Variants in SORCS1 observed in about 807,000 individuals in gnomAD.
SORCS1 encodes the protein VPS10 domain-containing receptor SorCS1.
SORCS1 carries 60 observed loss-of-function variants against 146.1 expected under a neutral mutation model. The observed-to-expected ratio is 0.41, with a 90% CI of 0.33 to 0.51. SORCS1 has a LOEUF of 0.51. Ranked by LOEUF, SORCS1 falls within the 20% of genes least tolerant of loss-of-function variation. The pLI, the probability that SORCS1 is intolerant of heterozygous loss-of-function variation, is 0.21. For synonymous variants in SORCS1, 637 were observed against 584.0 expected (o/e 1.09, Z -1.31); for missense variants, 1,352 against 1,487.6 (o/e 0.91, Z 1.50).
Position 106,629,371 on chromosome 10 carries a change from T to A in SORCS1, c.2493A>T (p.Thr831=). The change falls in exon 19 of 26, where the codon ACA becomes ACT. Residue 831 remains threonine, a synonymous_variant. Coordinates refer to ENST00000263054, the MANE Select transcript of SORCS1 (RefSeq NM_052918.5). ...VQLEEGDVQR[T]LIQVDFGDGI... ...CATCGCCAAAGTCCACTTGGATGAG[T>A]GTCCGCTGAACATCACCCTGAAAAA... 1 of 1,614,034 alleles carries A rather than the reference T, an allele frequency of 6.2e-7. No homozygotes were observed. The highest frequency in any genetic ancestry group is 8.5e-7 in the Non-Finnish European group (1 of 1,179,960).
At chr10:106,926,718 TATTAATGGATTTTAGTAGC>T (rs890413282) in intron 2 of SORCS1, among the ~76,000 whole-genome samples, 19 of 152,080 alleles carry the variant, frequency 1.2e-4, no homozygotes, top group Non-Finnish European at 1.9e-4. Flanking sequence ...GTAAAATAAT[TATTAATGGATTTTAGTAGC>T]ATTAATGGAT....
intron 1 of SORCS1, among the ~76,000 whole-genome samples, chr10:107,027,207 CA>C (rs1364718824): frequency 1.3e-5 from 2 of 151,708 alleles, no homozygotes; most frequent in African/African-American, 4.8e-5. Flanking sequence ...AAAATAGAAT[CA>C]GGGGATGGGA....
intron 1 of SORCS1, among the ~76,000 whole-genome samples, chr10:107,068,367 A>G (rs1270308792): frequency 6.6e-6 from 1 of 152,296 alleles, no homozygotes; most frequent in African/African-American, 2.4e-5. Flanking sequence ...AAGGGGGAAC[A>G]ACAGACTAAT....
chr10:106,886,436 T>G (rs1037109482), intron 2 of SORCS1, among the ~76,000 whole-genome samples: 17 of 152,270 alleles, frequency 1.1e-4, no homozygotes, highest in African/African-American at 4.1e-4. Flanking sequence ...TTAGTAATTC[T>G]TAGAATCAAA....
chr10:106,975,846 C>T (rs1429717549), intron 1 of SORCS1, among the ~76,000 whole-genome samples: 2 of 152,144 alleles, frequency 1.3e-5, no homozygotes, highest in Non-Finnish European at 2.9e-5. Context: ...TTCCAATACA[C>T]AGTTAAAAGG....
In SORCS1 at chr10:106,686,431, G is replaced by A. The variant is rs192924349; in HGVS notation, c.1560+1761C>T. 6.2e-4 allele frequency among the ~76,000 whole-genome samples: 95 copies of A among 152,262 alleles called. 1 individual carries two copies. In the East Asian group the frequency reaches 0.016, roughly 25 times the overall value. On this transcript the variant is annotated intron_variant, in intron 10 of 25. Coordinates refer to ENST00000263054, the MANE Select transcript of SORCS1 (RefSeq NM_052918.5). Reference sequence around the variant, plus strand: ...TGACATGGTTAATTATCTCTCATAGGCATTTAATCTCCAAAGTGCAGAGTA... The same window carrying A: ...TGACATGGTTAATTATCTCTCATAGACATTTAATCTCCAAAGTGCAGAGTA...
chr10:106,975,732 TTG>T (rs1026434078), intron 1 of SORCS1, among the ~76,000 whole-genome samples: 3 of 152,212 alleles, frequency 2.0e-5, no homozygotes, highest in African/African-American at 7.2e-5. Context: ...TCCTTTCTGG[TTG>T]TGTCTGCTGC....
chr10:107,087,447 A>C (rs1018918540), intron 1 of SORCS1, among the ~76,000 whole-genome samples: 68 of 152,338 alleles, frequency 4.5e-4, no homozygotes, highest in African/African-American at 1.6e-3. Flanking sequence ...TGATACATCT[A>C]CGTTGATTGG....
At chr10:106,635,411 AT>A (rs1396565008) in intron 18 of SORCS1, among the ~76,000 whole-genome samples, 2 of 152,220 alleles carry the variant, frequency 1.3e-5, no homozygotes, top group Admixed American at 6.5e-5. Flanking sequence ...TAATAAAAAA[AT>A]AAGCAACAAA....
Position 106,957,508 on chromosome 10 carries a change from G to T in SORCS1, c.559-928C>A, listed in dbSNP as rs184027135. 1.9e-3 allele frequency among the ~76,000 whole-genome samples: 290 copies of T among 152,122 alleles called. 3 individuals are homozygous for T. In the Middle Eastern group the frequency reaches 0.02, roughly 11 times the overall value. On this transcript the variant is annotated intron_variant, in intron 1 of 25. Coordinates refer to ENST00000263054, the MANE Select transcript of SORCS1 (RefSeq NM_052918.5). Reference sequence around the variant, plus strand: ...TCTTAAATGTTAATTCCTTCCCTTTGCTCTATGTGAGCTTGGTTTTAACTT... The same window carrying T: ...TCTTAAATGTTAATTCCTTCCCTTTTCTCTATGTGAGCTTGGTTTTAACTT...
At chr10:106,756,775 C>G (rs1325003951) in intron 5 of SORCS1, among the ~76,000 whole-genome samples, 2 of 152,112 alleles carry the variant, frequency 1.3e-5, no homozygotes, top group African/African-American at 4.8e-5. Flanking sequence ...AAGCTTGAAA[C>G]TTGTATTTGT....
intron 2 of SORCS1, among the ~76,000 whole-genome samples, chr10:106,859,564 T>C (rs1185894278): frequency 1.3e-5 from 2 of 152,156 alleles, no homozygotes; most frequent in African/African-American, 4.8e-5. Flanking sequence ...CAGGTAATTT[T>C]TGTATTTTTA....
At chr10:107,007,378 C>G (rs111322422) in intron 1 of SORCS1, among the ~76,000 whole-genome samples, 3 of 152,148 alleles carry the variant, frequency 2.0e-5, no homozygotes, top group African/African-American at 7.2e-5. Context: ...GCCTTAAAAC[C>G]GAGCTGCCAT....
intron 1 of SORCS1, among the ~76,000 whole-genome samples, chr10:107,131,583 G>C (rs1377866972): frequency 6.6e-6 from 1 of 152,074 alleles, no homozygotes; most frequent in African/African-American, 2.4e-5. Flanking sequence ...AAATTAGCCG[G>C]GTGTGGTGGC....
At chr10:107,144,443 C>T (rs1968124979) in intron 1 of SORCS1, among the ~76,000 whole-genome samples, 4 of 152,234 alleles carry the variant, frequency 2.6e-5, no homozygotes, top group African/African-American at 7.2e-5. Context: ...TTACCCTTTC[C>T]TTCCTCCTGT....
At chr10:107,090,414 G>C (rs1216666291) in intron 1 of SORCS1, among the ~76,000 whole-genome samples, 2 of 152,196 alleles carry the variant, frequency 1.3e-5, no homozygotes, top group East Asian at 1.9e-4. Flanking sequence ...AGAGAGCACA[G>C]AGGAGTTTGG....
At chr10:107,180,422 G>A in the SORCS1 span, among the ~76,000 whole-genome samples, 1 of 152,044 alleles carries the variant, frequency 6.6e-6, no homozygotes, top group Non-Finnish European at 1.5e-5. Context: ...CATTTTATTT[G>A]TATTTTGAAT....
chr10:107,035,061 T>C (rs921285464), intron 1 of SORCS1, among the ~76,000 whole-genome samples: 9 of 152,060 alleles, frequency 5.9e-5, no homozygotes, highest in African/African-American at 1.9e-4. Context: ...ACAATTTTAA[T>C]TGGGCATCTG....
At chr10:107,003,477 A>C (rs1220123715) in intron 1 of SORCS1, among the ~76,000 whole-genome samples, 1 of 141,604 alleles carries the variant, frequency 7.1e-6, no homozygotes, top group Non-Finnish European at 1.5e-5. Flanking sequence ...TGTGTGTAGT[A>C]ATCCACAGAC....
Sources: allele counts gnomAD v4.1 joint callset (sites outside exome capture counted in the v4.1 genomes callset), GRCh38; gene constraint gnomAD v4.1.1; transcripts MANE v1.5; gene names NCBI Gene and HGNC (gene_info 2026-07-23, HGNC 2026-07-21).